The following ERC2 variants were observed in gnomAD, a reference collection of about 807,000 sequenced individuals.
ERC2 encodes ELKS/RAB6-interacting/CAST family member 2.
Under a neutral mutation model 114.8 loss-of-function variants are expected in ERC2, and 42 were observed. The ratio of observed to expected loss-of-function variants is 0.37; its 90% CI spans 0.29 to 0.47. ERC2 has a LOEUF of 0.47. Ranked by LOEUF, ERC2 falls within the 20% of genes least tolerant of loss-of-function variation. The pLI, the probability that ERC2 is intolerant of heterozygous loss-of-function variation, is 0.99. For missense variants in ERC2, 939 were observed against 1,150.7 expected (o/e 0.82, Z 2.66); for synonymous variants, 454 against 425.5 (o/e 1.07, Z -0.82).
At chr3:56,338,640 A>C (rs1365343515) in intron 2 of ERC2, among the ~76,000 whole-genome samples, 1 of 152,252 alleles carries the variant, frequency 6.6e-6, no homozygotes, top group Non-Finnish European at 1.5e-5. Context: ...AATTAGCACA[A>C]GCAAGAAATG....
intron 3 of ERC2, among the ~76,000 whole-genome samples, chr3:56,202,079 G>A (rs553256021): frequency 2.5e-3 from 384 of 152,266 alleles, no homozygotes; most frequent in Non-Finnish European, 4.5e-3. Flanking sequence ...GCAGAATACC[G>A]CAGGCCATCT....
chr3:55,548,594 T>A (rs1430070983), intron 17 of ERC2, among the ~76,000 whole-genome samples: 1 of 152,218 alleles, frequency 6.6e-6, no homozygotes, highest in Non-Finnish European at 1.5e-5. Context: ...AGCAAGGAGC[T>A]AAGCATGGCC....
At chr3:56,309,396 AGAG>A (rs2056411214) in intron 2 of ERC2, among the ~76,000 whole-genome samples, 1 of 152,248 alleles carries the variant, frequency 6.6e-6, no homozygotes, top group African/African-American at 2.4e-5. Context: ...TTGTACACAA[AGAG>A]GAGTTCTGGT....
chr3:56,378,695 CAT>C (rs768936987), intron 2 of ERC2, among the ~76,000 whole-genome samples: 17 of 152,094 alleles, frequency 1.1e-4, no homozygotes, highest in Non-Finnish European at 7.3e-5. Context: ...CAAAATCATT[CAT>C]ATGTCCCAAG....
intron 2 of ERC2, among the ~76,000 whole-genome samples, chr3:56,348,971 GGAAAGAAA>G (rs1264064046): frequency 5.3e-5 from 5 of 94,898 alleles, no homozygotes; most frequent in African/African-American, 9.3e-5. Flanking sequence ...AAAGAAAGAA[GGAAAGAAA>G]GAAGGAAAGA....
intron 12 of ERC2, among the ~76,000 whole-genome samples, chr3:55,958,668 G>T (rs1409688292): frequency 6.6e-6 from 1 of 152,214 alleles, no homozygotes; most frequent in Admixed American, 6.5e-5. Flanking sequence ...CCAAAGTCTA[G>T]AGAGGGCCGA....
intron 1 of ERC2, among the ~76,000 whole-genome samples, chr3:56,462,849 G>C (rs566654027): frequency 7.2e-5 from 11 of 152,186 alleles, no homozygotes; most frequent in Non-Finnish European, 1.6e-4. Flanking sequence ...AAGAACTACA[G>C]GGGAAGGCAG....
chr3:55,740,053 A>C (rs1446971009), intron 14 of ERC2, among the ~76,000 whole-genome samples: 2 of 151,964 alleles, frequency 1.3e-5, no homozygotes, highest in Admixed American at 6.6e-5. Context: ...TGATTCTAAA[A>C]TTTAGGCTTT....
chr3:56,327,844 G>T (rs561426741), intron 2 of ERC2, among the ~76,000 whole-genome samples: 1 of 152,272 alleles, frequency 6.6e-6, no homozygotes, highest in South Asian at 2.1e-4. Flanking sequence ...AGGCAAGGAG[G>T]AACCTCAGGT....
chr3:56,077,934 G>C (rs2077050750), intron 7 of ERC2, among the ~76,000 whole-genome samples: 1 of 152,116 alleles, frequency 6.6e-6, no homozygotes, highest in Non-Finnish European at 1.5e-5. Context: ...CTATTTACAT[G>C]AGTAAACAGA....
intron 16 of ERC2, among the ~76,000 whole-genome samples, 164 bp downstream of exon 16, chr3:55,699,214 C>T (rs1008891528): frequency 6.6e-6 from 1 of 152,100 alleles, no homozygotes; most frequent in Non-Finnish European, 1.5e-5. Flanking sequence ...GAAAGAAAAA[C>T]ATTTAGATTC....
At chr3:55,844,660 T>C (rs1186040881) in intron 14 of ERC2, among the ~76,000 whole-genome samples, 1 of 152,206 alleles carries the variant, frequency 6.6e-6, no homozygotes, top group Non-Finnish European at 1.5e-5. Context: ...AGTCATATGA[T>C]TTGTACACTT....
At chr3:55,746,874 G>C (rs1165309275) in intron 14 of ERC2, among the ~76,000 whole-genome samples, 2 of 152,216 alleles carry the variant, frequency 1.3e-5, no homozygotes, top group Non-Finnish European at 2.9e-5. Context: ...AGACAACCTA[G>C]AGGAGACATT....
chr3:56,286,024 C>T (rs1388984786), intron 3 of ERC2, among the ~76,000 whole-genome samples: 1 of 152,156 alleles, frequency 6.6e-6, no homozygotes, highest in Non-Finnish European at 1.5e-5. Context: ...TCCCAAAACA[C>T]ACCACTCCTA....
chr3:55,803,829 T>C lies in ERC2; in HGVS notation c.2565-68911A>G, dbSNP rs145252936. 6.0e-4 allele frequency among the ~76,000 whole-genome samples: 92 copies of C among 152,288 alleles called. 1 individual carries two copies. The highest frequency in any genetic ancestry group is 2.1e-3 in the African/African-American group (88 of 41,558). ...AAGTCATGATTTAGTCTCTTGCTTT[T>C]TAGCAACTTTCAAAACAACAGGTAA... On this transcript the variant is annotated intron_variant, in intron 14 of 17. Coordinates refer to ENST00000288221, the MANE Select transcript of ERC2 (RefSeq NM_015576.3).
intron 3 of ERC2, among the ~76,000 whole-genome samples, chr3:56,274,320 G>A (rs886508723): frequency 1.3e-5 from 2 of 152,148 alleles, no homozygotes; most frequent in African/African-American, 4.8e-5. Context: ...AGCCCTGTTT[G>A]TGGAAAAATT....
chr3:56,352,913 T>C (rs996992125), intron 2 of ERC2, among the ~76,000 whole-genome samples: 1 of 152,030 alleles, frequency 6.6e-6, no homozygotes, highest in Non-Finnish European at 1.5e-5. Context: ...CTTCTTCAAA[T>C]CTGGCAAAAA....
intron 12 of ERC2, among the ~76,000 whole-genome samples, chr3:55,974,253 A>T (rs1248963627): frequency 2.0e-5 from 3 of 152,232 alleles, no homozygotes; most frequent in African/African-American, 7.2e-5. Context: ...ACGATTCCAC[A>T]GTGTGATTAC....
At chr3:55,620,140 CCCCAGGCAATGA>C (rs1232157354) in intron 17 of ERC2, among the ~76,000 whole-genome samples, 3 of 152,156 alleles carry the variant, frequency 2.0e-5, no homozygotes, top group African/African-American at 7.2e-5. Context: ...ACCAGCGAGT[CCCCAGGCAATGA>C]CCTGGTTGAT....
Sources: gnomAD v4.1 joint callset for allele counts (sites outside exome capture counted in the v4.1 genomes callset) on GRCh38, gnomAD v4.1.1 for gene constraint, MANE v1.5 for transcripts, NCBI Gene and HGNC (gene_info 2026-07-23, HGNC 2026-07-21) for gene names.